Variants in CEP112 observed in about 807,000 individuals in gnomAD.
CEP112 encodes centrosomal protein 112, also known as centrosomal protein of 112 kDa.
In CEP112, 127 loss-of-function variants were observed where a neutral mutation model predicts 153.0. That is an observed-to-expected ratio of 0.83 (90% CI 0.72 to 0.96). The LOEUF is 0.96. CEP112 is among the 40% of genes least tolerant of loss of function. CEP112 has a pLI of 0.00. For synonymous variants in CEP112, 358 were observed against 374.4 expected (o/e 0.96, Z 0.51); for missense variants, 1,089 against 1,101.2 (o/e 0.99, Z 0.16).
rs548283139 is a variant in CEP112, at chr17:65,898,052, G to C, written c.2163+4100C>G. 1.9e-3 allele frequency among the ~76,000 whole-genome samples: 288 copies of C among 152,130 alleles called. 3 individuals carry two copies. Among genetic ancestry groups the C allele is most frequent in the African/African-American group, 6.7e-3 (280 of 41,516 alleles). On this transcript the variant is annotated intron_variant, in intron 20 of 26. Coordinates refer to ENST00000535342, the MANE Select transcript of CEP112 (RefSeq NM_001199165.4). ...ACTGTAATATTTTTTCTTCAGTATAGATTTTCTAATGTGGTGAATATAATT... is the reference window on the plus strand; with the variant it reads ...ACTGTAATATTTTTTCTTCAGTATACATTTTCTAATGTGGTGAATATAATT...
At chr17:65,993,096 C>T (rs1478737628) in intron 17 of CEP112, among the ~76,000 whole-genome samples, 1 of 152,162 alleles carries the variant, frequency 6.6e-6, no homozygotes, top group East Asian at 1.9e-4. Context: ...TCTCCCCCAC[C>T]TCACCCCCTA....
chr17:66,063,298 G>T (rs759434311), intron 10 of CEP112, among the ~76,000 whole-genome samples: 1 of 152,086 alleles, frequency 6.6e-6, no homozygotes, highest in Admixed American at 6.6e-5. Context: ...CTAGACAATT[G>T]TAACAGTGTA....
chr17:65,697,712 TATC>T (rs971881288), intron 23 of CEP112, among the ~76,000 whole-genome samples: 5 of 152,166 alleles, frequency 3.3e-5, no homozygotes, highest in Admixed American at 6.5e-5. Flanking sequence ...TCTGTTTTAT[TATC>T]ATTTTTAAAT....
chr17:65,710,705 G>A (rs914507090), intron 23 of CEP112, among the ~76,000 whole-genome samples: 3 of 152,198 alleles, frequency 2.0e-5, no homozygotes, highest in African/African-American at 7.2e-5. Context: ...AGGCAAGAGA[G>A]CATTGGTGTT....
intron 20 of CEP112, among the ~76,000 whole-genome samples, chr17:65,896,593 A>G (rs1284351043): frequency 6.6e-6 from 1 of 152,084 alleles, no homozygotes; most frequent in South Asian, 2.1e-4. Context: ...CTAAATAGAC[A>G]CAACATTATT....
At chr17:65,764,455 C>T (rs947798797) in intron 21 of CEP112, among the ~76,000 whole-genome samples, 2 of 152,232 alleles carry the variant, frequency 1.3e-5, no homozygotes, top group African/African-American at 2.4e-5. Flanking sequence ...CTAATGTGCT[C>T]TAATGTCTAA....
intron 21 of CEP112, among the ~76,000 whole-genome samples, chr17:65,841,975 C>A (rs2057538057): frequency 6.6e-6 from 1 of 151,890 alleles, no homozygotes; most frequent in African/African-American, 2.4e-5. Flanking sequence ...CCACTTCTCT[C>A]CATTTAAATA....
At chr17:66,038,097 T>C (rs1310086925) in intron 12 of CEP112, among the ~76,000 whole-genome samples, 1 of 11,746 alleles carries the variant, frequency 8.5e-5, no homozygotes, top group Non-Finnish European at 2.4e-4. Flanking sequence ...CAAGACTCTG[T>C]CTCAAAAAAA....
At chr17:65,874,363 G>A (rs886954047) in intron 20 of CEP112, among the ~76,000 whole-genome samples, 10 of 151,926 alleles carry the variant, frequency 6.6e-5, no homozygotes, top group African/African-American at 2.4e-4. Flanking sequence ...CAGTGACGAG[G>A]GCACTTTCTT....
intron 4 of CEP112, among the ~76,000 whole-genome samples, chr17:66,161,749 T>C (rs1205814103): frequency 6.6e-6 from 1 of 151,878 alleles, no homozygotes; most frequent in Non-Finnish European, 1.5e-5. Context: ...GGTTGATGGG[T>C]GCAGCAAACC....
intron 23 of CEP112, among the ~76,000 whole-genome samples, chr17:65,707,452 C>T (rs2048974563): frequency 6.6e-6 from 1 of 152,164 alleles, no homozygotes; most frequent in African/African-American, 2.4e-5. Flanking sequence ...ATTCATCTCT[C>T]TTACCTGCTC....
At chr17:65,962,805 A>C (rs1174224483) in intron 17 of CEP112, among the ~76,000 whole-genome samples, 2 of 152,168 alleles carry the variant, frequency 1.3e-5, no homozygotes, top group East Asian at 3.8e-4. Context: ...GCCGCCATCC[A>C]TGTAAGATGT....
intron 21 of CEP112, among the ~76,000 whole-genome samples, chr17:65,754,720 G>A (rs1489081833): frequency 6.6e-6 from 1 of 152,168 alleles, no homozygotes; most frequent in East Asian, 1.9e-4. Context: ...GACAACACAG[G>A]GCTGTGAGAG....
chr17:66,114,620 A>G (rs2069200020), intron 6 of CEP112, among the ~76,000 whole-genome samples: 1 of 152,202 alleles, frequency 6.6e-6, no homozygotes, highest in South Asian at 2.1e-4. Context: ...TTATGCTTTT[A>G]AGTAAATATT....
At chr17:66,113,641 A>T (rs939462012) in intron 6 of CEP112, among the ~76,000 whole-genome samples, 2 of 152,224 alleles carry the variant, frequency 1.3e-5, no homozygotes, top group African/African-American at 4.8e-5. Flanking sequence ...TTAAAGACTC[A>T]TTCTAGCATC....
intron 24 of CEP112, among the ~76,000 whole-genome samples, chr17:65,645,348 C>T (rs2045375880): frequency 6.6e-6 from 1 of 152,144 alleles, no homozygotes; most frequent in African/African-American, 2.4e-5. Flanking sequence ...GAATTACGTG[C>T]ATGCATCACT....
chr17:65,821,499 TATATATATATATAATTATATA>T (rs1274594521), intron 21 of CEP112, among the ~76,000 whole-genome samples: 1 of 125,188 alleles, frequency 8.0e-6, no homozygotes, highest in African/African-American at 3.1e-5. Context: ...TATATAATTA[TATATATATATATAATTATATA>T]TATATATATA....
At chr17:65,923,654 A>G (rs922097932) in intron 19 of CEP112, among the ~76,000 whole-genome samples, 8 of 152,236 alleles carry the variant, frequency 5.3e-5, no homozygotes, top group Admixed American at 3.3e-4. Context: ...ATAACATATG[A>G]TCATTATGAA....
intron 24 of CEP112, among the ~76,000 whole-genome samples, chr17:65,665,318 G>A (rs1185017169): frequency 6.6e-6 from 1 of 152,200 alleles, no homozygotes; most frequent in Non-Finnish European, 1.5e-5. Context: ...TCCATCAGCT[G>A]CAGACAACTG....
Sources: allele counts gnomAD v4.1 joint callset (sites outside exome capture counted in the v4.1 genomes callset), GRCh38; gene constraint gnomAD v4.1.1; transcripts MANE v1.5; gene names NCBI Gene and HGNC (gene_info 2026-07-23, HGNC 2026-07-21).